The following PCYOX1 variants were observed in gnomAD, a reference collection of about 807,000 sequenced individuals.
The protein encoded by PCYOX1 is prenylcysteine oxidase 1.
In PCYOX1, 46 loss-of-function variants were observed where a neutral mutation model predicts 46.4. That is an observed-to-expected ratio of 0.99 (90% CI 0.78 to 1.27). PCYOX1 has a LOEUF of 1.27. Ranked by LOEUF, PCYOX1 falls within the 50% of genes most tolerant of loss-of-function variation. The pLI is 0.00. For missense variants in PCYOX1, 658 were observed against 628.3 expected, an observed-to-expected ratio of 1.05 and a Z score of -0.51; for synonymous variants, 220 against 231.8, an observed-to-expected ratio of 0.95 and a Z score of 0.46.
In PCYOX1 at chr2:70,261,230, C is replaced by A; in HGVS notation, c.338C>A (p.Ala113Asp). ...VKDLGLSAVQ[A>D]SGGLLGIYNG... Reference sequence around the variant, plus strand: ...TTTGCAGGTCTCTCTGCTGTTCAGGCCTCTGGTGGCCTACTGGGGATATAT... The same window carrying A: ...TTTGCAGGTCTCTCTGCTGTTCAGGACTCTGGTGGCCTACTGGGGATATAT... Residue 113 changes from alanine (A) to aspartate (D), a missense_variant, in exon 3 of 6, where the codon GCC (alanine) becomes GAC (aspartate). Transcript: ENST00000433351. 1.9e-6 allele frequency: 3 copies of A among 1,611,050 alleles called. No individual in the cohort carries two copies. The highest frequency in any genetic ancestry group is 1.7e-6 in the Non-Finnish European group (2 of 1,177,228).
intron 3 of PCYOX1, among the ~76,000 whole-genome samples, chr2:70,263,665 CTT>C (rs111364386): frequency 1.4e-5 from 2 of 144,756 alleles, no homozygotes. Flanking sequence ...CTTTTCTTTT[CTT>C]TTTTTTTTTT....
rs761710574 is a variant in PCYOX1 at position 70,275,700 on chromosome 2, C to G, written c.859+34C>G. The G allele has an allele frequency of 3.8e-6, 6 of 1,595,866 alleles. No individual in the cohort carries two copies. In the East Asian group the frequency reaches 1.3e-4, roughly 36 times the overall value. ...GAATTTCTTATTGTTCCTGATATCC[C>G]CTGCAGAAAATGATTGCTCAGGGAG... On this transcript the variant is annotated intron_variant, in intron 5 of 5. Transcript: ENST00000433351.
rs534173754 is a variant in PCYOX1, at chr2:70,274,715, C to A, written c.495-244C>A. 5 of 467,728 alleles carry A rather than the reference C, an allele frequency of 1.1e-5. No individual in the cohort carries two copies. In the East Asian group the frequency reaches 2.1e-4, roughly 20 times the overall value. The allele number at this position is 467,728 out of a possible 1,614,324, so 29.0% of individuals were successfully genotyped here. ...AGTAGCTGGGACCACAGGCATACAC[C>A]ACTATGCCTGGTTAATTTTTGTATT... On this transcript the variant is annotated intron_variant, in intron 3 of 5. Transcript: ENST00000433351.
chr2:70,258,450 T>G, intron 1 of PCYOX1, 174 bp downstream of exon 1: 1 of 404,502 alleles, frequency 2.5e-6, no homozygotes, highest in Non-Finnish European at 4.5e-6. Flanking sequence ...TCAGCTCTGG[T>G]CGGAATAGGA....
At chr2:70,267,971 C>T (rs551804640) in intron 3 of PCYOX1, among the ~76,000 whole-genome samples, 15 of 152,076 alleles carry the variant, frequency 9.9e-5, no homozygotes, top group South Asian at 2.1e-4. Context: ...CCACCATGCC[C>T]GGCTAATTTT....
At chr2:70,267,288 G>A (rs892585991) in intron 3 of PCYOX1, among the ~76,000 whole-genome samples, 1 of 151,312 alleles carries the variant, frequency 6.6e-6, no homozygotes, top group Non-Finnish European at 1.5e-5. Context: ...GGGAAGAGGC[G>A]CTCCTCACTT....
chr2:70,266,386 G>T (rs1696523708), intron 3 of PCYOX1, among the ~76,000 whole-genome samples: 1 of 152,064 alleles, frequency 6.6e-6, no homozygotes, highest in African/African-American at 2.4e-5. Context: ...GAAGGAACCA[G>T]CCTTGTGCAC....
Position 70,277,335 on chromosome 2 carries a change from G to A in PCYOX1, c.1461G>A (p.Gly487=). The A allele has an allele frequency of 1.2e-6, 2 of 1,613,758 alleles. No homozygotes were observed. Among genetic ancestry groups the A allele is most frequent in the Non-Finnish European group, 1.7e-6 (2 of 1,179,718 alleles). ...AALLAYHRWN[G]HTDMIDQDGL... is the part of the protein sequence containing the mutation. ...TCCTTGCCTATCACCGCTGGAACGGGCACACAGACATGATTGATCAGGATG... is the reference window on the plus strand; with the variant it reads ...TCCTTGCCTATCACCGCTGGAACGGACACACAGACATGATTGATCAGGATG... Residue 487 remains glycine, a synonymous_variant, in exon 6 of 6, where the codon GGG becomes GGA. Transcript: ENST00000433351.
chr2:70,262,162 A>AGTTTTTTT (rs891003450), intron 3 of PCYOX1, among the ~76,000 whole-genome samples: 1 of 152,060 alleles, frequency 6.6e-6, no homozygotes, highest in East Asian at 1.9e-4. Context: ...CTAGTTTTTT[A>AGTTTTTTT]GTTTTTTTGT....
chr2:70,264,480 C>A (rs919007962), intron 3 of PCYOX1, among the ~76,000 whole-genome samples: 2 of 151,822 alleles, frequency 1.3e-5, no homozygotes, highest in African/African-American at 4.8e-5. Context: ...GCATGTGCCA[C>A]CATACCCAGA....
intron 3 of PCYOX1, among the ~76,000 whole-genome samples, chr2:70,267,109 C>T (rs960465529): frequency 4.6e-4 from 70 of 152,024 alleles, no homozygotes; most frequent in African/African-American, 1.4e-3. Flanking sequence ...ACCTCCCAGA[C>T]GGGATGGCGG....
intron 3 of PCYOX1, among the ~76,000 whole-genome samples, chr2:70,266,559 C>T (rs1302140886): frequency 2.0e-5 from 3 of 151,736 alleles, no homozygotes; most frequent in African/African-American, 7.3e-5. Flanking sequence ...GGAAGGTCAG[C>T]GGATAAACAT....
chr2:70,260,104 C>T (rs983414715), intron 2 of PCYOX1, among the ~76,000 whole-genome samples: 6 of 152,146 alleles, frequency 3.9e-5, no homozygotes, highest in Admixed American at 2.0e-4. Context: ...GGTGAGCCAC[C>T]GTGCCCGGCC....
Position 70,261,291 on chromosome 2 carries a change from G to A in PCYOX1, c.399G>A (p.Trp133Ter). Reference sequence around the variant, plus strand: ...CTCTGGTATTTGAGGAGAGCAACTGGTTCATAATTAACGTGATTAAATTAG... The same window carrying A: ...CTCTGGTATTTGAGGAGAGCAACTGATTCATAATTAACGTGATTAAATTAG... The part of the protein sequence containing the change: ...GETLVFEESN[W>*]FIINVIKLVW... The change falls in exon 3 of 6, where the codon TGG (tryptophan) becomes TGA (stop). Residue 133 changes from tryptophan (W) to a stop codon, truncating the protein, a stop_gained. Coordinates refer to ENST00000433351, the MANE Select transcript of PCYOX1 (RefSeq NM_016297.4). LOFTEE classifies it high-confidence loss of function. 2 of 1,610,152 alleles carry A rather than the reference G, an allele frequency of 1.2e-6. No individual in the cohort carries two copies. Among genetic ancestry groups the A allele is most frequent in the Non-Finnish European group, 1.7e-6 (2 of 1,176,340 alleles).
At chr2:70,261,019 C>G (rs1315123655) in intron 2 of PCYOX1, among the ~76,000 whole-genome samples, 193 bp from the exon 3 acceptor site, 1 of 152,162 alleles carries the variant, frequency 6.6e-6, no homozygotes, top group Non-Finnish European at 1.5e-5. Flanking sequence ...TTTACATGAT[C>G]ATCTGACCCA....
intron 3 of PCYOX1, among the ~76,000 whole-genome samples, chr2:70,274,522 TTTC>T (rs953818977): frequency 8.7e-4 from 132 of 151,664 alleles, no homozygotes; most frequent in African/African-American, 2.9e-3. Flanking sequence ...ATTTTTCCTT[TTTC>T]TTCTTCTTTC....
chr2:70,259,390 C>T lies in PCYOX1; in HGVS notation c.143C>T (p.Ser48Leu), dbSNP rs756161282. 1.2e-6 allele frequency: 2 copies of T among 1,613,964 alleles called. No homozygotes were observed. Among genetic ancestry groups the T allele is most frequent in the African/African-American group, 1.3e-5 (1 of 74,908 alleles). Residue 48 changes from serine (S) to leucine (L), a missense_variant, in exon 2 of 6, where the codon TCA becomes TTA. Physicochemically the swap from Ser to Leu is moderately radical, Grantham distance 145. Coordinates refer to ENST00000433351, the MANE Select transcript of PCYOX1 (RefSeq NM_016297.4). ...ATTGGAGCCGGAATTGGTGGCACTT[C>T]AGCAGCCTATTACCTGCGGCAGAAA... The part of the protein sequence containing the change: ...AIIGAGIGGT[S>L]AAYYLRQKFG...
At chr2:70,266,112 G>A (rs1696518069) in intron 3 of PCYOX1, among the ~76,000 whole-genome samples, 1 of 152,042 alleles carries the variant, frequency 6.6e-6, no homozygotes, top group South Asian at 2.1e-4. Context: ...TTAATTCCTG[G>A]AACCTGTGAA....
rs1420281898 is a variant in PCYOX1 at position 70,279,610 on chromosome 2, A to C, written c.*2218A>C. 2 of 152,124 alleles carry C rather than the reference A, an allele frequency of 1.3e-5. No homozygotes were observed. The highest frequency in any genetic ancestry group is 6.6e-5 in the Admixed American group (1 of 15,258). The allele number at this position is 152,124 out of a possible 1,614,324, so 9.4% of individuals were successfully genotyped here. A position where few individuals can be genotyped will look rare whatever the true frequency, so the allele number is the denominator to read the frequency against. ...CATGGTGAAACCCCATCTCTACTGA[A>C]TACACAAAAATTGGCTGGACATGGT... On this transcript the variant is annotated 3_prime_UTR_variant, in exon 6 of 6. Transcript: ENST00000433351.
Sources: gnomAD v4.1 joint callset for allele counts (sites outside exome capture counted in the v4.1 genomes callset) on GRCh38, gnomAD v4.1.1 for gene constraint, MANE v1.5 for transcripts, NCBI Gene and HGNC (gene_info 2026-07-23, HGNC 2026-07-21) for gene names.